Variants in LAMA1 observed in about 807,000 individuals in gnomAD.
The protein encoded by LAMA1 is laminin subunit alpha-1.
Under a neutral mutation model 348.7 loss-of-function variants are expected in LAMA1, and 219 were observed. The observed-to-expected ratio is 0.63, with a 90% CI of 0.56 to 0.70. LAMA1 has a LOEUF of 0.70. LAMA1 is among the 30% of genes least tolerant of loss of function. The pLI, the probability that LAMA1 is intolerant of heterozygous loss-of-function variation, is 0.00. For synonymous variants in LAMA1, 1,487 were observed against 1,491.0 expected, an observed-to-expected ratio of 1.00 and a Z score of 0.06; for missense variants, 3,744 against 3,888.0, an observed-to-expected ratio of 0.96 and a Z score of 0.99.
intron 36 of LAMA1, among the ~76,000 whole-genome samples, chr18:6,989,485 T>A (rs1010250093): frequency 1.3e-5 from 2 of 152,118 alleles, no homozygotes; most frequent in African/African-American, 4.8e-5. Context: ...AGAATTATAA[T>A]TAAAAAGCAG....
intron 3 of LAMA1, among the ~76,000 whole-genome samples, chr18:7,074,123 A>G (rs2058157220): frequency 6.6e-6 from 1 of 152,034 alleles, no homozygotes; most frequent in Non-Finnish European, 1.5e-5. Flanking sequence ...ATGAGCCACC[A>G]CGCCCGGCCA....
At chr18:7,070,816 G>C (rs1379963698) in intron 3 of LAMA1, among the ~76,000 whole-genome samples, 1 of 150,780 alleles carries the variant, frequency 6.6e-6, no homozygotes, top group East Asian at 2.0e-4. Flanking sequence ...TCACAAATCT[G>C]ACCCTCACTC....
chr18:7,013,501 G>T (rs59097221), intron 23 of LAMA1, among the ~76,000 whole-genome samples: 6,374 of 152,100 alleles, frequency 0.042, 456 homozygotes, highest in African/African-American at 0.15. Context: ...CACAAATCCC[G>T]AAGCCCTGAG....
At chr18:7,116,943 C>T (rs772686196) in intron 1 of LAMA1, among the ~76,000 whole-genome samples, 30 of 152,326 alleles carry the variant, frequency 2.0e-4, no homozygotes, top group Non-Finnish European at 3.7e-4. Context: ...CCCTTCTCCG[C>T]TGGTCCCTCG....
intron 1 of LAMA1, among the ~76,000 whole-genome samples, chr18:7,081,005 T>C (rs1328863598): frequency 6.6e-6 from 1 of 152,072 alleles, no homozygotes; most frequent in Admixed American, 6.5e-5. Context: ...AGAATGTCTA[T>C]TATTAAAAAG....
Position 6,978,186 on chromosome 18 carries a change from G to A in LAMA1, c.6190+10C>T, listed in dbSNP as rs1213373799. 18 of 1,614,068 alleles carry A rather than the reference G, an allele frequency of 1.1e-5. No individual in the cohort carries two copies. Among genetic ancestry groups the A allele is most frequent in the African/African-American group, 2.7e-5 (2 of 74,932 alleles). ...GACGATCATGACTGGAAGGAAGGGC[G>A]CTGACATACTGGCCATGGTGGAGTC... On this transcript the variant is annotated intron_variant, in intron 43 of 62. Coordinates refer to ENST00000389658, the MANE Select transcript of LAMA1 (RefSeq NM_005559.4).
chr18:7,034,947 G>A (rs600695), intron 13 of LAMA1, among the ~76,000 whole-genome samples: 93,934 of 152,144 alleles, frequency 0.62, 31,101 homozygotes, highest in African/African-American at 0.85. Flanking sequence ...AAAGAAAGTC[G>A]TGCAGTTGCC....
At chr18:7,107,220 G>A (rs1489500891) in intron 1 of LAMA1, among the ~76,000 whole-genome samples, 4 of 149,548 alleles carry the variant, frequency 2.7e-5, no homozygotes, top group African/African-American at 9.9e-5. Context: ...CCGGGTTCAC[G>A]CCATTCTCCT....
chr18:7,036,043 T>A lies in LAMA1; in HGVS notation c.1783A>T (p.Ile595Phe), dbSNP rs759490917. 1 of 1,614,212 alleles carries A rather than the reference T, an allele frequency of 6.2e-7. No individual in the cohort carries two copies. The highest frequency in any genetic ancestry group is 8.5e-7 in the Non-Finnish European group (1 of 1,180,034). ...TTACTGTCTACCGTCTCTACCGGAA[T>A]ATCGTAGGACACCGTGTATTTCAGG... ...GFLKYTVSYD[I>F]PVETVDSNLM... Residue 595 changes from isoleucine to phenylalanine, a missense_variant, in exon 13 of 63, where the codon ATT becomes TTT. Around this residue, in one of 3 missense-constraint regions of LAMA1, gnomAD observed 1,529 missense variants for 1,689.4 expected, o/e 0.91. Coordinates refer to ENST00000389658, the MANE Select transcript of LAMA1 (RefSeq NM_005559.4).
At position 7,015,749 on chromosome 18, in the gene LAMA1, C is replaced by T. The variant is rs769655038; in HGVS notation, c.3099G>A (p.Trp1033Ter). 2.5e-6 allele frequency: 4 copies of T among 1,613,946 alleles called. No homozygotes were observed. The highest frequency in any genetic ancestry group is 1.7e-5 in the Admixed American group (1 of 59,984). The change falls in exon 22 of 63, where the codon TGG (tryptophan) becomes TGA (stop). Residue 1033 changes from tryptophan (W) to a stop codon, truncating the protein, a stop_gained. Transcript: ENST00000389658. LOFTEE classifies it high-confidence loss of function. ...VKCEECEDGH[W>*]GYDAEVGCQA... Reference sequence around the variant, plus strand: ...GGCACCCCACCTCCGCATCGTAGCCCCAGTGCCCATCCTCACATTCTTCAC... The same window carrying T: ...GGCACCCCACCTCCGCATCGTAGCCTCAGTGCCCATCCTCACATTCTTCAC...
intron 29 of LAMA1, among the ~76,000 whole-genome samples, chr18:7,003,085 G>A (rs924813481): frequency 5.9e-5 from 9 of 151,796 alleles, no homozygotes; most frequent in African/African-American, 1.9e-4. Flanking sequence ...GTCTTGCTAT[G>A]TTGCCCAGGC....
intron 1 of LAMA1, among the ~76,000 whole-genome samples, chr18:7,113,945 C>T (rs542314313): frequency 7.2e-5 from 11 of 152,026 alleles, no homozygotes; most frequent in Non-Finnish European, 1.3e-4. Flanking sequence ...GGCGTGGTGG[C>T]GGGCGCCTGT....
At chr18:7,110,896 C>A (rs1048981380) in intron 1 of LAMA1, among the ~76,000 whole-genome samples, 3 of 151,716 alleles carry the variant, frequency 2.0e-5, no homozygotes, top group Admixed American at 6.6e-5. Context: ...CCTCCCCCCC[C>A]CCACTTCTAA....
chr18:7,073,596 T>G (rs527595422), intron 3 of LAMA1, among the ~76,000 whole-genome samples: 1 of 152,348 alleles, frequency 6.6e-6, no homozygotes, highest in African/African-American at 2.4e-5. Context: ...ATTTCATTCC[T>G]TTTTAAGGCT....
At chr18:7,063,579 C>T (rs1370286965) in intron 3 of LAMA1, among the ~76,000 whole-genome samples, 3 of 152,042 alleles carry the variant, frequency 2.0e-5, no homozygotes, top group Non-Finnish European at 4.4e-5. Context: ...TTCACAATAG[C>T]TAAAAGGTGG....
chr18:7,115,821 A>AAAAAAAAAC (rs2058353781), intron 1 of LAMA1, among the ~76,000 whole-genome samples: 3 of 149,084 alleles, frequency 2.0e-5, no homozygotes, highest in Admixed American at 1.3e-4. Flanking sequence ...ATACAAAAAA[A>AAAAAAAAAC]AAAAAAAAAA....
Position 6,993,744 on chromosome 18 carries a change from C to A in LAMA1, c.4905G>T (p.Arg1635Ser), listed in dbSNP as rs202123051. The change falls in exon 35 of 63, where the codon AGG becomes AGT. Residue 1635 changes from arginine to serine, a missense_variant. Coordinates refer to ENST00000389658, the MANE Select transcript of LAMA1 (RefSeq NM_005559.4). ...TCACCTTTTGGGTACTCGCTAACAT[C>A]CTAGTGAGCTGGTGGAAAAATAAAG... ...ETDNLQKKLT[R>S]MLASTQKVNR... The A allele has an allele frequency of 1.3e-6, 2 of 1,597,486 alleles. No homozygotes were observed. The highest frequency in any genetic ancestry group is 1.7e-5 in the Admixed American group (1 of 60,012).
chr18:6,978,406 A>C, intron 42 of LAMA1, 28 bp from the exon 43 acceptor site: 3 of 1,585,324 alleles, frequency 1.9e-6, no homozygotes, highest in Non-Finnish European at 2.6e-6. Context: ...AAAAGCATGC[A>C]CTTCTGGTGC....
intron 57 of LAMA1, chr18:6,955,119 G>A (rs1416464362): frequency 3.6e-6 from 2 of 553,686 alleles, no homozygotes; most frequent in Non-Finnish European, 6.5e-6. Flanking sequence ...GAAAGGGGAA[G>A]CCAGCCACTC....
Sources: gnomAD v4.1 joint callset for allele counts (sites outside exome capture counted in the v4.1 genomes callset) on GRCh38, gnomAD v4.1.1 for gene constraint, gnomAD v4.1.1 regional missense constraint, MANE v1.5 for transcripts, NCBI Gene and HGNC (gene_info 2026-07-23, HGNC 2026-07-21) for gene names.